NFX1: variants seen among roughly 807,000 people sequenced by gnomAD.
NFX1 encodes nuclear transcription factor, X-box binding 1, also known as transcriptional repressor NF-X1.
Under a neutral mutation model 137.2 loss-of-function variants are expected in NFX1, and 69 were observed. That is an observed-to-expected ratio of 0.50 (90% CI 0.41 to 0.61). NFX1 has a LOEUF of 0.61. Among genes scored for constraint, NFX1 ranks in the 20% least tolerant of loss-of-function variants. The pLI is 0.00. For missense variants in NFX1, 1,167 were observed against 1,391.0 expected, an observed-to-expected ratio of 0.84 and a Z score of 2.56; for synonymous variants, 495 against 474.1, an observed-to-expected ratio of 1.04 and a Z score of -0.57.
intron 11 of NFX1, among the ~76,000 whole-genome samples, chr9:33,333,094 C>T (rs567135911): frequency 6.6e-6 from 1 of 152,354 alleles, no homozygotes; most frequent in African/African-American, 2.4e-5. Flanking sequence ...GATCCACCCG[C>T]CTCGGCCTCC....
intron 1 of NFX1, among the ~76,000 whole-genome samples, chr9:33,290,808 G>A (rs572699512): frequency 6.6e-6 from 1 of 152,334 alleles, no homozygotes; most frequent in South Asian, 2.1e-4. Context: ...GCTGGGTTTC[G>A]GAGGAGAGAG....
intron 10 of NFX1, among the ~76,000 whole-genome samples, chr9:33,329,037 C>T (rs765307920): frequency 6.6e-6 from 1 of 152,112 alleles, no homozygotes; most frequent in East Asian, 1.9e-4. Flanking sequence ...AAGGACTCAC[C>T]GAACTTGCTG....
At chr9:33,357,620 C>G (rs1332943251) in intron 19 of NFX1, among the ~76,000 whole-genome samples, 1 of 152,056 alleles carries the variant, frequency 6.6e-6, no homozygotes, top group African/African-American at 2.4e-5. Flanking sequence ...TACCCTTGAA[C>G]TCCTGGGCTC....
chr9:33,335,927 A>G (rs1822985593), intron 11 of NFX1, among the ~76,000 whole-genome samples: 1 of 152,228 alleles, frequency 6.6e-6, no homozygotes, highest in South Asian at 2.1e-4. Context: ...CATTTTATCC[A>G]TTCACTGGTT....
intron 19 of NFX1, among the ~76,000 whole-genome samples, chr9:33,357,313 A>G (rs1256803306): frequency 6.6e-6 from 1 of 151,828 alleles, no homozygotes; most frequent in African/African-American, 2.4e-5. Context: ...AAAAATAATA[A>G]TAAATAAATA....
intron 19 of NFX1, among the ~76,000 whole-genome samples, chr9:33,360,268 C>A (rs1254653853): frequency 6.6e-6 from 1 of 152,168 alleles, no homozygotes; most frequent in African/African-American, 2.4e-5. Context: ...CTTCACAAAT[C>A]ACTTAGCTAT....
chr9:33,328,885 A>G (rs1045262002), intron 10 of NFX1, among the ~76,000 whole-genome samples: 7 of 152,202 alleles, frequency 4.6e-5, no homozygotes, highest in Non-Finnish European at 1.0e-4. Flanking sequence ...GGGGAACAGT[A>G]GCACTGTTGC....
At chr9:33,339,057 G>GA (rs1823120747) in intron 12 of NFX1, among the ~76,000 whole-genome samples, 1 of 151,852 alleles carries the variant, frequency 6.6e-6, no homozygotes, top group Non-Finnish European at 1.5e-5. Flanking sequence ...TGCTTTTATG[G>GA]AACTAATTAA....
intron 9 of NFX1, among the ~76,000 whole-genome samples, chr9:33,320,267 A>G (rs1311568356): frequency 2.6e-5 from 4 of 152,018 alleles, no homozygotes; most frequent in Non-Finnish European, 5.9e-5. Context: ...GCCCGGCTGG[A>G]TGAATATTTT....
intron 4 of NFX1, among the ~76,000 whole-genome samples, chr9:33,303,831 T>G (rs896068154): frequency 2.0e-5 from 3 of 151,990 alleles, no homozygotes; most frequent in African/African-American, 7.2e-5. Context: ...TTTCTGCATG[T>G]TTTTTTTCCT....
chr9:33,320,532 T>C (rs1822347042), intron 9 of NFX1, among the ~76,000 whole-genome samples: 1 of 152,208 alleles, frequency 6.6e-6, no homozygotes, highest in African/African-American at 2.4e-5. Flanking sequence ...CTGTCTACTT[T>C]TAGTAATTCC....
At chr9:33,347,402 T>C (rs1268608919) in intron 15 of NFX1, among the ~76,000 whole-genome samples, 2 of 152,234 alleles carry the variant, frequency 1.3e-5, no homozygotes, top group African/African-American at 4.8e-5. Context: ...TGCCCCTGTA[T>C]ACTCAATGTC....
chr9:33,359,764 AT>A (rs1823932595), intron 19 of NFX1, among the ~76,000 whole-genome samples: 1 of 152,260 alleles, frequency 6.6e-6, no homozygotes, highest in South Asian at 2.1e-4. Flanking sequence ...TCTAGCAAAG[AT>A]TGATTAAATT....
chr9:33,347,678 G>T (rs1468667360), intron 15 of NFX1: 1 of 429,438 alleles, frequency 2.3e-6, no homozygotes, highest in South Asian at 1.7e-5. Flanking sequence ...CCACTACTGG[G>T]CGTCTACCCA....
At position 33,328,686 on chromosome 9, in the gene NFX1, C is replaced by G. The variant is rs1224427187; in HGVS notation, c.2004+8C>G. The G allele has an allele frequency of 6.3e-7, 1 of 1,595,480 alleles. No individual in the cohort carries two copies. Among genetic ancestry groups the G allele is most frequent in the Non-Finnish European group, 8.6e-7 (1 of 1,163,902 alleles). ...TGCTCTTTCAGAACAAAGGTAAATC[C>G]TAAACAATGCTAGAGTTGTTGCCAT... On this transcript the variant is annotated splice_region_variant and intron_variant, in intron 10 of 23. Coordinates refer to ENST00000379540, the MANE Select transcript of NFX1 (RefSeq NM_002504.6).
chr9:33,371,139 AT>A lies in NFX1; in HGVS notation c.*1163del, dbSNP rs1354690607. 6.6e-6 allele frequency: 1 copy of A among 152,220 alleles called. No individual in the cohort carries two copies. The highest frequency in any genetic ancestry group is 1.5e-5 in the Non-Finnish European group (1 of 68,040). 9.4% of individuals were successfully genotyped at this position (152,220 alleles called of 1,614,324 possible). A position where few individuals can be genotyped will look rare whatever the true frequency, so the allele number is the denominator to read the frequency against. ...GTGACAAAAACAAGCACTTAATTAA[AT>A]TATAAAATTTAACTTTATAGGGCTG... On this transcript the variant is annotated 3_prime_UTR_variant, in exon 24 of 24. Coordinates refer to ENST00000379540, the MANE Select transcript of NFX1 (RefSeq NM_002504.6).
At chr9:33,318,498 CA>C (rs2118382284) in intron 7 of NFX1, among the ~76,000 whole-genome samples, 1 of 152,176 alleles carries the variant, frequency 6.6e-6, no homozygotes, top group East Asian at 1.9e-4. Flanking sequence ...AATAGTTTAA[CA>C]AGGCTTTTTT....
intron 15 of NFX1, among the ~76,000 whole-genome samples, chr9:33,350,023 G>C (rs1445518312): frequency 1.3e-5 from 2 of 151,996 alleles, no homozygotes; most frequent in East Asian, 3.9e-4. Context: ...AACAAAACAG[G>C]CCAGGCGTGG....
intron 2 of NFX1, among the ~76,000 whole-genome samples, chr9:33,299,563 T>C (rs1186945657): frequency 1.3e-5 from 2 of 152,018 alleles, no homozygotes; most frequent in African/African-American, 4.8e-5. Context: ...TGGCACACGC[T>C]TGTGGTCCCA....
Sources: gnomAD v4.1 joint callset for allele counts (sites outside exome capture counted in the v4.1 genomes callset) on GRCh38, gnomAD v4.1.1 for gene constraint, MANE v1.5 for transcripts, NCBI Gene and HGNC (gene_info 2026-07-23, HGNC 2026-07-21) for gene names.